The following USP35 variants were observed in gnomAD, a reference collection of about 807,000 sequenced individuals.
The protein encoded by USP35 is ubiquitin carboxyl-terminal hydrolase 35.
Under a neutral mutation model 83.8 loss-of-function variants are expected in USP35, and 69 were observed. The ratio of observed to expected loss-of-function variants is 0.82; its 90% CI spans 0.68 to 1.01. The LOEUF is 1.01. Among genes scored for constraint, USP35 ranks in the 50% least tolerant of loss-of-function variants. USP35 has a pLI of 0.00. For synonymous variants in USP35, 714 were observed against 589.5 expected (o/e 1.21, Z -3.06); for missense variants, 1,503 against 1,362.5 (o/e 1.10, Z -1.62).
At chr11:78,216,345 C>T (rs1054305382), downstream of USP35, 2 of 152,206 alleles carry the variant, frequency 1.3e-5, no homozygotes, top group Non-Finnish European at 2.9e-5. Context: ...TCAGTCCTCT[C>T]CAGGCCCCCA....
At chr11:78,211,024 G>C (rs1863751373) in intron 10 of USP35, among the ~76,000 whole-genome samples, 1 of 152,130 alleles carries the variant, frequency 6.6e-6, no homozygotes, top group African/African-American at 2.4e-5. Context: ...GTGGTTTGCT[G>C]CACAGATCAA....
the USP35 span, among the ~76,000 whole-genome samples, chr11:78,233,141 GCCAT>G: frequency 6.6e-6 from 1 of 150,600 alleles, no homozygotes; most frequent in Non-Finnish European, 1.5e-5. Flanking sequence ...CTGGGCTCAA[GCCAT>G]CCTCCCACCT....
rs771235599 is a variant in USP35, at chr11:78,198,023, A to G, written c.761A>G (p.Asn254Ser). The change falls in exon 3 of 11, where the codon AAT (asparagine) becomes AGT (serine). Residue 254 changes from asparagine to serine, a missense_variant. By Grantham distance (46) the Asn-to-Ser change is conservative. Transcript: ENST00000529308. ...LMDGVVRNLS[N>S]DDSVTDSQML... ...GATGGTGTTGTCCGGAACCTCAGCAATGATGACAGTGTGACAGACTCGCAG... is the reference window on the plus strand; with the variant it reads ...GATGGTGTTGTCCGGAACCTCAGCAGTGATGACAGTGTGACAGACTCGCAG... The G allele has an allele frequency of 1.9e-6, 3 of 1,614,136 alleles. No individual in the cohort carries two copies. The highest frequency in any genetic ancestry group is 2.7e-5 in the African/African-American group (2 of 74,952).
At chr11:78,198,132 C>A in intron 3 of USP35, 64 bp downstream of exon 3, 1 of 1,604,402 alleles carries the variant, frequency 6.2e-7, no homozygotes. Context: ...TCTCAGAAGC[C>A]CCTTCTCCTG....
chr11:78,196,687 C>T lies in USP35; in HGVS notation c.442C>T (p.Leu148=), dbSNP rs1462320419. Residue 148 remains leucine, a synonymous_variant, in exon 2 of 11, where the codon CTG becomes TTG. Coordinates refer to ENST00000529308, the MANE Select transcript of USP35 (RefSeq NM_020798.4). This position sits in a 1 kb window ranked among gnomAD's most constrained non-coding sequence, Gnocchi z 4.8. Reference sequence around the variant, plus strand: ...GGCCTGCGCGCAGGTGGCACGGCTGCTGGCTCGCCACCCGCGCTGTGTGCC... The same window carrying T: ...GGCCTGCGCGCAGGTGGCACGGCTGTTGGCTCGCCACCCGCGCTGTGTGCC... The part of the protein sequence containing the change: ...PAACAQVARL[L]ARHPRCVPDG... 6.7e-7 allele frequency: 1 copy of T among 1,488,750 alleles called. No individual in the cohort carries two copies. The highest frequency in any genetic ancestry group is 2.7e-5 in the East Asian group (1 of 37,142). The allele number at this position is 1,488,750 out of a possible 1,614,324, so 92.2% of individuals were successfully genotyped here.
intron 1 of USP35, among the ~76,000 whole-genome samples, chr11:78,190,843 A>G (rs1862982019): frequency 6.6e-6 from 1 of 152,242 alleles, no homozygotes; most frequent in South Asian, 2.1e-4. Flanking sequence ...AGTAGCAGTC[A>G]GGAAAAAGCC....
At chr11:78,203,847 G>A (rs1863439991) in intron 6 of USP35, among the ~76,000 whole-genome samples, 1 of 149,908 alleles carries the variant, frequency 6.7e-6, no homozygotes, top group South Asian at 2.1e-4. Flanking sequence ...CAAAGTATTG[G>A]GATTACAGGT....
rs754456713 is a variant in USP35, at chr11:78,196,879, C to T, written c.634C>T (p.Pro212Ser). ...GCGCGCACAGCCCGCCGCCATCCTG[C>T]CCTGCCTCAAAGAGCTGTTCGCAGT... Reference protein sequence around the residue: ...LWRAQPAAILPCLKELFAVIS... With the variant: ...LWRAQPAAILSCLKELFAVIS... Residue 212 changes from proline (P) to serine (S), a missense_variant, in exon 2 of 11, where the codon CCC becomes TCC. By Grantham distance (74) the Pro-to-Ser change is moderately conservative (BLOSUM62 -1). Coordinates refer to ENST00000529308, the MANE Select transcript of USP35 (RefSeq NM_020798.4). The surrounding 1 kb of genome is among the most constrained non-coding windows in gnomAD (Gnocchi z 4.8). 6 of 1,476,008 alleles carry T rather than the reference C, an allele frequency of 4.1e-6. No homozygotes were observed. The highest frequency in any genetic ancestry group is 1.3e-5 in the South Asian group (1 of 76,528). The allele number at this position is 1,476,008 out of a possible 1,614,324, so 91.4% of individuals were successfully genotyped here. A position where few individuals can be genotyped will look rare whatever the true frequency, so the allele number is the denominator to read the frequency against.
chr11:78,196,950 A>C lies in USP35; in HGVS notation c.673+32A>C, dbSNP rs1417034799. 1.4e-6 allele frequency: 2 copies of C among 1,431,842 alleles called. No individual in the cohort carries two copies. Among genetic ancestry groups the C allele is most frequent in the Non-Finnish European group, 1.8e-6 (2 of 1,097,232 alleles). 88.7% of individuals were successfully genotyped at this position (1,431,842 alleles called of 1,614,324 possible). ...GTGCGGCCGGGGCAGGAGCGCGGGC[A>C]TGCGGAGGTCCTGGGTGGGCGCTTG... On this transcript the variant is annotated intron_variant, in intron 2 of 10. Coordinates refer to ENST00000529308, the MANE Select transcript of USP35 (RefSeq NM_020798.4). This position sits in a 1 kb window ranked among gnomAD's most constrained non-coding sequence, Gnocchi z 4.8.
intron 10 of USP35, 125 bp from the exon 11 acceptor site, chr11:78,213,521 A>C (rs115504608): frequency 9.7e-6 from 11 of 1,138,670 alleles, no homozygotes; most frequent in Non-Finnish European, 1.3e-5. Context: ...CTGAGCTGCA[A>C]TGTCTCTGTG....
At chr11:78,219,226 C>G, downstream of USP35, 1 of 1,585,406 alleles carries the variant, frequency 6.3e-7, no homozygotes, top group South Asian at 1.1e-5. Flanking sequence ...ATGGGAAGGG[C>G]CAGCTCTGGA....
chr11:78,209,530 C>A lies in USP35; in HGVS notation c.1675C>A (p.Pro559Thr). 6.2e-7 allele frequency: 1 copy of A among 1,614,140 alleles called. No homozygotes were observed. Among genetic ancestry groups the A allele is most frequent in the Non-Finnish European group, 8.5e-7 (1 of 1,180,010 alleles). The change falls in exon 10 of 11, where the codon CCG becomes ACG. Residue 559 changes from proline to threonine, a missense_variant. Transcript: ENST00000529308. ...SSSPSPPEEPPAPSSTSVEKM... is the reference protein window; with the variant it reads ...SSSPSPPEEPTAPSSTSVEKM... ...CTCGCCCTCTCCGCCCGAGGAGCCCCCGGCCCCAAGTTCAACCTCTGTGGA... is the reference window on the plus strand; with the variant it reads ...CTCGCCCTCTCCGCCCGAGGAGCCCACGGCCCCAAGTTCAACCTCTGTGGA...
chr11:78,202,806 C>G (rs891787305), intron 6 of USP35, among the ~76,000 whole-genome samples: 2 of 152,134 alleles, frequency 1.3e-5, no homozygotes, highest in African/African-American at 2.4e-5. Context: ...GTTTCTACAT[C>G]GAAAGGGAGG....
intron 6 of USP35, among the ~76,000 whole-genome samples, chr11:78,201,198 C>T (rs1454509155): frequency 6.6e-6 from 1 of 152,228 alleles, no homozygotes; most frequent in Non-Finnish European, 1.5e-5. Context: ...CTCCCATGCC[C>T]TCCACCAGGC....
intron 1 of USP35, among the ~76,000 whole-genome samples, chr11:78,191,018 G>GC (rs778110455): frequency 6.6e-6 from 1 of 152,220 alleles, no homozygotes; most frequent in Non-Finnish European, 1.5e-5. Flanking sequence ...AGAGTTCTGA[G>GC]CAGGGGCATG....
chr11:78,199,612 C>G lies in USP35; in HGVS notation c.824C>G (p.Ser275Cys), dbSNP rs1212043998. 6.2e-7 allele frequency: 1 copy of G among 1,614,048 alleles called. No individual in the cohort carries two copies. The highest frequency in any genetic ancestry group is 8.5e-7 in the Non-Finnish European group (1 of 1,180,018). ...CTCACCAGGATGATTGACTGGGTGT[C>G]CTGGCCCCTGGGGAAGAATATTGAC... ...TAISRMIDWVSWPLGKNIDKW... is the reference protein window; with the variant it reads ...TAISRMIDWVCWPLGKNIDKW... Residue 275 changes from serine (S) to cysteine (C), a missense_variant, in exon 4 of 11, where the codon TCC (serine) becomes TGC (cysteine). By Grantham distance (112) the Ser-to-Cys change is moderately radical (BLOSUM62 -1). Transcript: ENST00000529308.
rs1250832261 is a variant in USP35 at position 78,196,524 on chromosome 11, C to T, written c.279C>T (p.Ala93=). The T allele has an allele frequency of 4.9e-6, 6 of 1,222,652 alleles. No homozygotes were observed. The highest frequency in any genetic ancestry group is 4.3e-5 in the Admixed American group (1 of 23,180). The allele number at this position is 1,222,652 out of a possible 1,614,324, so 75.7% of individuals were successfully genotyped here. ...TGCTGCGCCTGCTGCAGGGTGGCGC[C>T]GGCCCCCCGGGCCCCCGCGCGCTCG... The part of the protein sequence containing the change: ...RRVLRLLQGG[A]GPPGPRALAC... The change falls in exon 2 of 11, where the codon GCC becomes GCT. Residue 93 remains alanine (A), a synonymous_variant. Transcript: ENST00000529308. The surrounding 1 kb of genome is among the most constrained non-coding windows in gnomAD (Gnocchi z 4.8).
In USP35 at chr11:78,196,888, A is replaced by G; in HGVS notation, c.643A>G (p.Lys215Glu). Residue 215 changes from lysine (K) to glutamate (E), a missense_variant, in exon 2 of 11, where the codon AAA becomes GAA. Lys to Glu is a moderately conservative substitution (Grantham distance 56). Coordinates refer to ENST00000529308, the MANE Select transcript of USP35 (RefSeq NM_020798.4). The surrounding 1 kb of genome is among the most constrained non-coding windows in gnomAD (Gnocchi z 4.8). ...AQPAAILPCL[K>E]ELFAVISCAE... ...GCCCGCCGCCATCCTGCCCTGCCTC[A>G]AAGAGCTGTTCGCAGTCATCTCCTG... 1 of 1,473,632 alleles carries G rather than the reference A, an allele frequency of 6.8e-7. No homozygotes were observed. Among genetic ancestry groups the G allele is most frequent in the South Asian group, 1.3e-5 (1 of 75,846 alleles). 91.3% of individuals were successfully genotyped at this position (1,473,632 alleles called of 1,614,324 possible).
intron 1 of USP35, among the ~76,000 whole-genome samples, chr11:78,195,367 T>C (rs1863113474): frequency 6.6e-6 from 1 of 152,074 alleles, no homozygotes; most frequent in Admixed American, 6.5e-5. Context: ...GATAAGGACG[T>C]GTCAGGCAGA....
Sources: allele counts gnomAD v4.1 joint callset (sites outside exome capture counted in the v4.1 genomes callset), GRCh38; gene constraint gnomAD v4.1.1; non-coding constraint Gnocchi (gnomAD v3.1); transcripts MANE v1.5; gene names NCBI Gene and HGNC (gene_info 2026-07-23, HGNC 2026-07-21).